The following SLC33A1 variants were observed in gnomAD, a reference collection of about 807,000 sequenced individuals.
SLC33A1 encodes solute carrier family 33 member 1.
SLC33A1 carries 20 observed loss-of-function variants against 50.0 expected under a neutral mutation model. The ratio of observed to expected loss-of-function variants is 0.40; its 90% CI spans 0.28 to 0.58. The LOEUF (loss-of-function observed/expected upper bound fraction) is 0.58, where lower values mean the gene tolerates loss of function less well. Among genes scored for constraint, SLC33A1 ranks in the 20% least tolerant of loss-of-function variants. SLC33A1 has a pLI of 0.44. For synonymous variants in SLC33A1, 265 were observed against 251.8 expected (o/e 1.05, Z -0.50); for missense variants, 476 against 657.0 (o/e 0.72, Z 3.01).
intron 1 of SLC33A1, among the ~76,000 whole-genome samples, chr3:155,852,279 G>T (rs761317999): frequency 3.3e-5 from 5 of 151,876 alleles, no homozygotes; most frequent in African/African-American, 4.8e-5. Context: ...CCAACATAGT[G>T]AGACAGCCCC....
chr3:155,829,684 T>G lies in SLC33A1; in HGVS notation c.1482+4A>C, dbSNP rs903399097. 7 of 1,597,972 alleles carry G rather than the reference T, an allele frequency of 4.4e-6. No homozygotes were observed. In the African/African-American group the frequency reaches 5.4e-5, roughly 12 times the overall value. Reference sequence around the variant, plus strand: ...AATGTTATCTAAAATTAAAACATACTTACCTCAACAGCATCAGGTGTTCGA... The same window carrying G: ...AATGTTATCTAAAATTAAAACATACGTACCTCAACAGCATCAGGTGTTCGA... On this transcript the variant is annotated splice_donor_region_variant and intron_variant, in intron 5 of 5. Transcript: ENST00000643144.
intron 2 of SLC33A1, among the ~76,000 whole-genome samples, chr3:155,838,911 G>A (rs1238807580): frequency 1.3e-5 from 2 of 151,952 alleles, no homozygotes; most frequent in South Asian, 2.1e-4. Flanking sequence ...CACTTTGGGA[G>A]GCTGAGGTGA....
chr3:155,843,663 CTCCTTTACTTCTACAGCCCAATAGA>C (rs369505618), intron 1 of SLC33A1, among the ~76,000 whole-genome samples: 2,135 of 152,262 alleles, frequency 0.014, 47 homozygotes, highest in African/African-American at 0.05. Flanking sequence ...CATGTATCAA[CTCCTTTACTTCTACAGCCCAATAGA>C]TCCTTTACTT....
chr3:155,834,932 T>C (rs1752589070), intron 2 of SLC33A1, among the ~76,000 whole-genome samples: 1 of 152,118 alleles, frequency 6.6e-6, no homozygotes, highest in Admixed American at 6.6e-5. Context: ...TTAAGGACAA[T>C]GAAAGGCCAT....
intron 1 of SLC33A1, chr3:155,842,835 C>A: frequency 3.4e-6 from 1 of 297,392 alleles, no homozygotes; most frequent in Non-Finnish European, 6.1e-6. Flanking sequence ...ATAGTGGGAC[C>A]CTATCCCTAC....
intron 1 of SLC33A1, among the ~76,000 whole-genome samples, chr3:155,844,457 ATTTTTTTTTTTTTT>A (rs869180951): frequency 3.3e-4 from 11 of 33,576 alleles, no homozygotes; most frequent in African/African-American, 8.9e-4. Flanking sequence ...ATATATATAT[ATTTTTTTTTTTTTT>A]TTTTTTTTTT....
At chr3:155,836,808 C>T (rs1026671509) in intron 2 of SLC33A1, among the ~76,000 whole-genome samples, 1 of 152,042 alleles carries the variant, frequency 6.6e-6, no homozygotes, top group Admixed American at 6.6e-5. Flanking sequence ...TGGAGGATCA[C>T]TTGAGCCCAG....
At chr3:155,841,308 T>C (rs992134007) in intron 2 of SLC33A1, among the ~76,000 whole-genome samples, 2 of 152,148 alleles carry the variant, frequency 1.3e-5, no homozygotes, top group African/African-American at 4.8e-5. Flanking sequence ...TACCTTGGCT[T>C]CCCAAAGTGC....
Position 155,853,494 on chromosome 3 carries a change from A to G in SLC33A1, c.504T>C (p.Asn168=). ...TCACGTCGGGTGTTCTGTCATCGGT[A>G]TTCCCAAGCAAACGGTCCACCTGAG... is the stretch of plus-strand genomic sequence containing the variant. ...LSTQVDRLLG[N]TDDRTPDVIA... is the part of the protein sequence containing the mutation. Residue 168 remains asparagine (N), a synonymous_variant, in exon 1 of 6, where the codon AAT becomes AAC. Coordinates refer to ENST00000643144, the MANE Select transcript of SLC33A1 (RefSeq NM_004733.4). The G allele has an allele frequency of 6.2e-7, 1 of 1,614,144 alleles. No individual in the cohort carries two copies. Among genetic ancestry groups the G allele is most frequent in the Middle Eastern group, 1.6e-4 (1 of 6,062 alleles).
rs66864331 is a variant in SLC33A1, at chr3:155,843,023, G to A, written c.776-404C>T. 734 of 81,998 alleles carry A rather than the reference G, an allele frequency of 9.0e-3. 46 individuals are homozygous for A. The highest frequency in any genetic ancestry group is 0.049 in the Middle Eastern group (5 of 102). 5.1% of individuals were successfully genotyped at this position (81,998 alleles called of 1,614,324 possible). ...CTAAAAAAAAAAAAAAAAAAAAAAA[G>A]TCAACATTTAGGTACCTCTTTATTA... On this transcript the variant is annotated intron_variant, in intron 1 of 5. Coordinates refer to ENST00000643144, the MANE Select transcript of SLC33A1 (RefSeq NM_004733.4).
intron 2 of SLC33A1, among the ~76,000 whole-genome samples, chr3:155,835,122 A>G (rs1049632767): frequency 6.6e-6 from 1 of 152,216 alleles, no homozygotes; most frequent in Non-Finnish European, 1.5e-5. Context: ...TGTTCTTAGG[A>G]AATACATACT....
intron 1 of SLC33A1, among the ~76,000 whole-genome samples, chr3:155,845,601 C>T (rs1259569937): frequency 6.6e-6 from 1 of 152,178 alleles, no homozygotes; most frequent in East Asian, 1.9e-4. Context: ...CCATCTCTCG[C>T]ACATGCAGAA....
At position 155,854,206 on chromosome 3, in the gene SLC33A1, C is replaced by T; in HGVS notation, c.-209G>A. 9.2e-6 allele frequency: 4 copies of T among 435,582 alleles called. No homozygotes were observed. The highest frequency in any genetic ancestry group is 6.6e-5 in the South Asian group (1 of 15,096). 27.0% of individuals were successfully genotyped at this position (435,582 alleles called of 1,614,324 possible). A position where few individuals can be genotyped will look rare whatever the true frequency, so the allele number is the denominator to read the frequency against. ...CCTCTGGCTAGAGGCCCAGAGGATG[C>T]CTGGATAGGTGCCCCCTGGAACGGC... On this transcript the variant is annotated 5_prime_UTR_variant, in exon 1 of 6. Coordinates refer to ENST00000643144, the MANE Select transcript of SLC33A1 (RefSeq NM_004733.4).
Position 155,824,988 on chromosome 3 carries a change from C to T in SLC33A1, c.*3222G>A, listed in dbSNP as rs921440240. On this transcript the variant is annotated 3_prime_UTR_variant, in exon 6 of 6. Transcript: ENST00000643144. ...CGGTGGCTTACACCTGTAATCCCAG[C>T]ATTTTGAGAGGTCAAGGCTGGACGA... The T allele has an allele frequency of 6.6e-6, 1 of 152,114 alleles. No individual in the cohort carries two copies. Among genetic ancestry groups the T allele is most frequent in the African/African-American group, 2.4e-5 (1 of 41,430 alleles). 9.4% of individuals were successfully genotyped at this position (152,114 alleles called of 1,614,324 possible).
At chr3:155,841,807 G>A (rs185577827) in intron 2 of SLC33A1, among the ~76,000 whole-genome samples, 64 of 151,988 alleles carry the variant, frequency 4.2e-4, no homozygotes, top group Middle Eastern at 3.4e-3. Context: ...GAGTGCCGTG[G>A]TGCTATCTCG....
rs1428381542 is a variant in SLC33A1, at chr3:155,847,845, A to G, written c.776-5226T>C. 4.6e-5 allele frequency among the ~76,000 whole-genome samples: 7 copies of G among 152,216 alleles called. 1 individual carries two copies. The highest frequency in any genetic ancestry group is 4.6e-4 in the Admixed American group (7 of 15,260). ...CATTAGTTTGGTTAGATTCATACTT[A>G]TAGCATCAACTTTTTCAAAGCAACA... On this transcript the variant is annotated intron_variant, in intron 1 of 5. Coordinates refer to ENST00000643144, the MANE Select transcript of SLC33A1 (RefSeq NM_004733.4).
chr3:155,849,455 A>C (rs147328168), intron 1 of SLC33A1, among the ~76,000 whole-genome samples: 126 of 152,304 alleles, frequency 8.3e-4, no homozygotes, highest in African/African-American at 2.8e-3. Context: ...AAGGAGAATG[A>C]AACTATAGGA....
chr3:155,833,275 A>AAAT (rs1752519517), intron 4 of SLC33A1, among the ~76,000 whole-genome samples, 193 bp downstream of exon 4: 1 of 152,130 alleles, frequency 6.6e-6, no homozygotes, highest in African/African-American at 2.4e-5. Flanking sequence ...AATAAATAAA[A>AAAT]AAGTCTCTTT....
In SLC33A1 at chr3:155,824,986, A is replaced by T. The variant is rs559372193; in HGVS notation, c.*3224T>A. 1.3e-5 allele frequency: 2 copies of T among 152,326 alleles called. No individual in the cohort carries two copies. Among genetic ancestry groups the T allele is most frequent in the Admixed American group, 6.5e-5 (1 of 15,272 alleles). 9.4% of individuals were successfully genotyped at this position (152,326 alleles called of 1,614,324 possible). On this transcript the variant is annotated 3_prime_UTR_variant, in exon 6 of 6. Coordinates refer to ENST00000643144, the MANE Select transcript of SLC33A1 (RefSeq NM_004733.4). Reference sequence around the variant, plus strand: ...CACGGTGGCTTACACCTGTAATCCCAGCATTTTGAGAGGTCAAGGCTGGAC... The same window carrying T: ...CACGGTGGCTTACACCTGTAATCCCTGCATTTTGAGAGGTCAAGGCTGGAC...
Sources: allele counts gnomAD v4.1 joint callset (sites outside exome capture counted in the v4.1 genomes callset), GRCh38; gene constraint gnomAD v4.1.1; transcripts MANE v1.5; gene names NCBI Gene and HGNC (gene_info 2026-07-23, HGNC 2026-07-21).